The following EEF2K variants were observed in gnomAD, a reference collection of about 807,000 sequenced individuals.
The protein encoded by EEF2K is eukaryotic elongation factor 2 kinase, also known as alternative protein EEF2K.
Under a neutral mutation model 93.8 loss-of-function variants are expected in EEF2K, and 70 were observed. The observed-to-expected ratio is 0.75, with a 90% CI of 0.62 to 0.91. EEF2K has a LOEUF of 0.91. EEF2K is among the 40% of genes least tolerant of loss of function. EEF2K has a pLI of 0.00. For synonymous variants in EEF2K, 376 were observed against 380.8 expected, an observed-to-expected ratio of 0.99 and a Z score of 0.15; for missense variants, 935 against 972.9, an observed-to-expected ratio of 0.96 and a Z score of 0.52.
chr16:22,264,110 G>A (rs1006593795), intron 12 of EEF2K, among the ~76,000 whole-genome samples: 3 of 151,828 alleles, frequency 2.0e-5, no homozygotes, highest in Admixed American at 1.3e-4. Flanking sequence ...CCTGGCCAAC[G>A]TGGTGACCCC....
intron 2 of EEF2K, among the ~76,000 whole-genome samples, chr16:22,232,107 T>G (rs2047122007): frequency 6.7e-6 from 1 of 148,226 alleles, no homozygotes; most frequent in Admixed American, 6.7e-5. Context: ...CTCACACACA[T>G]CTGGAAGCTC....
At chr16:22,257,583 A>G (rs2047416187) in intron 8 of EEF2K, 60 bp from the exon 9 acceptor site, 2 of 1,593,388 alleles carry the variant, frequency 1.3e-6, no homozygotes, top group Middle Eastern at 1.7e-4. Flanking sequence ...GAGGCCCACC[A>G]CTGCCTGTCC....
chr16:22,209,387 C>A (rs2046893770), intron 1 of EEF2K, among the ~76,000 whole-genome samples: 1 of 152,074 alleles, frequency 6.6e-6, no homozygotes, highest in Non-Finnish European at 1.5e-5. Flanking sequence ...CAGTCTTGTC[C>A]AGTTTTTGGC....
chr16:22,288,643 G>A lies in EEF2K; in HGVS notation c.*4647G>A, dbSNP rs2047771550. On this transcript the variant is annotated 3_prime_UTR_variant, in exon 18 of 18. Transcript: ENST00000263026. ...GGTGACCCTTTAACCTACTCAAGATGGGGCCCAGAGAAGTGGCCTGCGTTA... is the reference window on the plus strand; with the variant it reads ...GGTGACCCTTTAACCTACTCAAGATAGGGCCCAGAGAAGTGGCCTGCGTTA... 5.3e-5 allele frequency: 8 copies of A among 152,140 alleles called. No individual in the cohort carries two copies. The highest frequency in any genetic ancestry group is 6.6e-5 in the Admixed American group (1 of 15,264). The allele number at this position is 152,140 out of a possible 1,614,324, so 9.4% of individuals were successfully genotyped here.
At chr16:22,269,135 G>A (rs1417912375) in intron 15 of EEF2K, among the ~76,000 whole-genome samples, 1 of 152,078 alleles carries the variant, frequency 6.6e-6, no homozygotes, top group Non-Finnish European at 1.5e-5. Flanking sequence ...ACAGAAATTT[G>A]TTCTCTCACA....
chr16:22,237,240 C>T (rs527689527), intron 2 of EEF2K, among the ~76,000 whole-genome samples: 1 of 151,902 alleles, frequency 6.6e-6, no homozygotes, highest in Non-Finnish European at 1.5e-5. Flanking sequence ...CCACCACACC[C>T]GGCCCATAGC....
intron 16 of EEF2K, among the ~76,000 whole-genome samples, chr16:22,275,009 T>C (rs984514972): frequency 1.3e-5 from 2 of 152,214 alleles, no homozygotes; most frequent in Non-Finnish European, 2.9e-5. Context: ...CCAACTTACA[T>C]CTTCTCACCC....
intron 3 of EEF2K, among the ~76,000 whole-genome samples, chr16:22,245,257 C>T (rs151309541): frequency 1.3e-5 from 2 of 152,246 alleles, no homozygotes; most frequent in East Asian, 1.9e-4. Context: ...GTCAGAGTAA[C>T]ACTCCATGTC....
At chr16:22,276,591 C>T (rs958076246) in intron 16 of EEF2K, among the ~76,000 whole-genome samples, 4 of 152,136 alleles carry the variant, frequency 2.6e-5, no homozygotes, top group African/African-American at 7.2e-5. Context: ...GTGCTAGAAA[C>T]GCCAAGGAAG....
At chr16:22,244,176 C>T (rs1359054894) in intron 2 of EEF2K, among the ~76,000 whole-genome samples, 1 of 151,190 alleles carries the variant, frequency 6.6e-6, no homozygotes, top group Non-Finnish European at 1.5e-5. Context: ...TTGCAGCGAG[C>T]CAAGATCACA....
chr16:22,242,842 G>T (rs556017485), intron 2 of EEF2K, among the ~76,000 whole-genome samples: 1 of 151,982 alleles, frequency 6.6e-6, no homozygotes, highest in Admixed American at 6.6e-5. Flanking sequence ...GTGTAAAGGC[G>T]GCGTATCCTT....
intron 2 of EEF2K, among the ~76,000 whole-genome samples, chr16:22,234,847 T>G (rs987144315): frequency 6.6e-6 from 1 of 151,268 alleles, no homozygotes; most frequent in African/African-American, 2.4e-5. Flanking sequence ...TATGTCTGGC[T>G]TCTTTTGCTA....
At chr16:22,241,648 A>C (rs1295180818) in intron 2 of EEF2K, among the ~76,000 whole-genome samples, 1 of 151,368 alleles carries the variant, frequency 6.6e-6, no homozygotes, top group African/African-American at 2.4e-5. Flanking sequence ...AAAAAAAAAA[A>C]AAAAAAAAAA....
rs1433543301 is a variant in EEF2K at position 22,244,680 on chromosome 16, G to A, written c.297G>A (p.Trp99Ter). Residue 99 changes from tryptophan (W) to a stop codon, truncating the protein, a stop_gained, in exon 3 of 18, where the codon TGG becomes TGA. Coordinates refer to ENST00000263026, the MANE Select transcript of EEF2K (RefSeq NM_013302.5). LOFTEE classifies it high-confidence loss of function. ...AGGCCAAGCACATGCCCGACCCCTG[G>A]GCTGAGTTCCACCTGGAAGATATTG... is the stretch of plus-strand genomic sequence containing the variant. Reference protein sequence around the residue: ...IQKAKHMPDPWAEFHLEDIAT... With the variant: ...IQKAKHMPDP The A allele has an allele frequency of 2.5e-6, 4 of 1,613,926 alleles. No homozygotes were observed. The highest frequency in any genetic ancestry group is 1.3e-5 in the African/African-American group (1 of 74,908).
chr16:22,251,184 G>A lies in EEF2K; in HGVS notation c.480G>A (p.Gln160=). Residue 160 remains glutamine (Q), a synonymous_variant, in exon 6 of 18, where the codon CAG becomes CAA. Coordinates refer to ENST00000263026, the MANE Select transcript of EEF2K (RefSeq NM_013302.5). Reference sequence around the variant, plus strand: ...TCTCCAACTTCTTGCATGCCCAGCAGTGGAAGGGCGCCTCCAACTACGTGG... The same window carrying A: ...TCTCCAACTTCTTGCATGCCCAGCAATGGAAGGGCGCCTCCAACTACGTGG... ...KKLSNFLHAQ[Q]WKGASNYVAK... is the part of the protein sequence containing the mutation. The A allele has an allele frequency of 6.2e-7, 1 of 1,614,130 alleles. No individual in the cohort carries two copies. Among genetic ancestry groups the A allele is most frequent in the Non-Finnish European group, 8.5e-7 (1 of 1,179,998 alleles).
chr16:22,283,045 G>A (rs28730901), intron 17 of EEF2K, among the ~76,000 whole-genome samples: 34,107 of 151,744 alleles, frequency 0.22, 7,685 homozygotes, highest in African/African-American at 0.58. Flanking sequence ...GCAGTGGCTC[G>A]CGCCTGTAAT....
chr16:22,256,580 G>A (rs2047401407), intron 6 of EEF2K, among the ~76,000 whole-genome samples, 168 bp from the exon 7 acceptor site: 1 of 152,094 alleles, frequency 6.6e-6, no homozygotes, highest in African/African-American at 2.4e-5. Context: ...AGGAAAAGAG[G>A]AGATTAGATT....
intron 16 of EEF2K, among the ~76,000 whole-genome samples, chr16:22,277,520 A>T (rs1449778804): frequency 2.0e-5 from 3 of 152,272 alleles, no homozygotes; most frequent in African/African-American, 7.2e-5. Context: ...TTTACCAGAC[A>T]TTTATTGACA....
intron 1 of EEF2K, among the ~76,000 whole-genome samples, chr16:22,208,521 C>T (rs1259561170): frequency 2.0e-5 from 3 of 152,174 alleles, no homozygotes; most frequent in Non-Finnish European, 4.4e-5. Flanking sequence ...CAAAGCGAGA[C>T]TCTGTCTCAA....
Sources: gnomAD v4.1 joint callset for allele counts (sites outside exome capture counted in the v4.1 genomes callset) on GRCh38, gnomAD v4.1.1 for gene constraint, MANE v1.5 for transcripts, NCBI Gene and HGNC (gene_info 2026-07-23, HGNC 2026-07-21) for gene names.